ZNF407: variants seen among roughly 807,000 people sequenced by gnomAD.
ZNF407 encodes zinc finger protein 407.
ZNF407 carries 17 observed loss-of-function variants against 131.2 expected under a neutral mutation model. The observed-to-expected ratio is 0.13, with a 90% CI of 0.09 to 0.19. The LOEUF is 0.19. Among genes scored for constraint, ZNF407 ranks in the 10% least tolerant of loss-of-function variants. The pLI is 1.00. For missense variants in ZNF407, 2,681 were observed against 2,830.6 expected, an observed-to-expected ratio of 0.95 and a Z score of 1.20; for synonymous variants, 1,156 against 1,062.0, an observed-to-expected ratio of 1.09 and a Z score of -1.72.
chr18:74,602,666 G>A (rs1340557047), intron 1 of ZNF407, among the ~76,000 whole-genome samples: 1 of 152,146 alleles, frequency 6.6e-6, no homozygotes, highest in Admixed American at 6.5e-5. Flanking sequence ...TGTGCAAGGC[G>A]ACACAGCTAT....
chr18:74,895,566 T>G (rs1971443418), intron 7 of ZNF407, among the ~76,000 whole-genome samples: 1 of 152,208 alleles, frequency 6.6e-6, no homozygotes, highest in Non-Finnish European at 1.5e-5. Flanking sequence ...CAAAAAAAAT[T>G]GTATTTATAA....
chr18:74,753,983 T>G (rs1968868456), intron 3 of ZNF407, among the ~76,000 whole-genome samples: 1 of 152,222 alleles, frequency 6.6e-6, no homozygotes, highest in African/African-American at 2.4e-5. Context: ...GTCCTGACTT[T>G]TTTTGGTTGT....
intron 4 of ZNF407, among the ~76,000 whole-genome samples, chr18:74,844,682 A>G (rs1288796737): frequency 1.3e-5 from 2 of 152,158 alleles, no homozygotes; most frequent in Admixed American, 6.5e-5. Context: ...ATAAATTTGT[A>G]AAAATTACCC....
intron 8 of ZNF407, among the ~76,000 whole-genome samples, chr18:75,028,973 G>A (rs1434347694): frequency 2.6e-5 from 4 of 152,198 alleles, no homozygotes; most frequent in Middle Eastern, 3.4e-3. Context: ...AATCTGTATC[G>A]GGATATTCTG....
At position 75,064,722 on chromosome 18, in the gene ZNF407, C is replaced by A; in HGVS notation, c.*254C>A. On this transcript the variant is annotated 3_prime_UTR_variant, in exon 9 of 9. Transcript: ENST00000299687. ...CCGGGCGCAGGCCGCACAGGGAGCT[C>A]CGGTCCACTGGGGGCCCTTCGATCA... 2 of 402,950 alleles carry A rather than the reference C, an allele frequency of 5.0e-6. No individual in the cohort carries two copies. The highest frequency in any genetic ancestry group is 8.9e-6 in the Non-Finnish European group (2 of 225,918). 25.0% of individuals were successfully genotyped at this position (402,950 alleles called of 1,614,324 possible).
intron 3 of ZNF407, among the ~76,000 whole-genome samples, chr18:74,737,344 A>G (rs1968441589): frequency 6.6e-6 from 1 of 152,240 alleles, no homozygotes; most frequent in Non-Finnish European, 1.5e-5. Flanking sequence ...CTAATGGTCT[A>G]TCTGTGTAAT....
intron 1 of ZNF407, among the ~76,000 whole-genome samples, chr18:74,606,430 A>C (rs183323745): frequency 6.6e-6 from 1 of 152,170 alleles, no homozygotes; most frequent in African/African-American, 2.4e-5. Flanking sequence ...ATATATTTTG[A>C]GTAGATACGG....
chr18:75,000,709 T>C lies in ZNF407; in HGVS notation c.5429-62441T>C, dbSNP rs577113767. On this transcript the variant is annotated intron_variant, in intron 8 of 8. Transcript: ENST00000299687. ...TTTTTTTCTGCATCATTTTTATATA[T>C]TTTATTAATGCAAATTTTATTGTAT... 2.2e-3 allele frequency among the ~76,000 whole-genome samples: 339 copies of C among 152,352 alleles called. 2 individuals are homozygous for C. The highest frequency in any genetic ancestry group is 7.4e-3 in the African/African-American group (308 of 41,582).
intron 3 of ZNF407, among the ~76,000 whole-genome samples, chr18:74,735,280 T>C (rs1968386699): frequency 6.6e-6 from 1 of 152,200 alleles, no homozygotes; most frequent in South Asian, 2.1e-4. Flanking sequence ...AGACCTGTTA[T>C]GTTGTTTTTC....
At chr18:74,759,128 C>T (rs1424198860) in intron 3 of ZNF407, among the ~76,000 whole-genome samples, 3 of 151,996 alleles carry the variant, frequency 2.0e-5, no homozygotes, top group Non-Finnish European at 4.4e-5. Context: ...ATTTAGATGA[C>T]AGTAATTTTT....
intron 8 of ZNF407, among the ~76,000 whole-genome samples, chr18:74,945,026 A>T (rs573948797): frequency 3.3e-5 from 5 of 152,206 alleles, no homozygotes; most frequent in Admixed American, 3.3e-4. Flanking sequence ...ACTCGTATGC[A>T]TTTGCTTGCC....
chr18:74,608,063 T>C (rs1397778410), intron 1 of ZNF407, among the ~76,000 whole-genome samples: 2 of 152,230 alleles, frequency 1.3e-5, no homozygotes, highest in Non-Finnish European at 2.9e-5. Flanking sequence ...GAAATGACTT[T>C]TTAAAACTTT....
chr18:74,754,772 T>C (rs1335087107), intron 3 of ZNF407, among the ~76,000 whole-genome samples: 3 of 152,216 alleles, frequency 2.0e-5, no homozygotes, highest in African/African-American at 7.2e-5. Context: ...CTTCCAACTA[T>C]GTGGTCAATT....
intron 8 of ZNF407, among the ~76,000 whole-genome samples, chr18:75,034,615 T>A (rs1046614644): frequency 3.3e-5 from 5 of 151,890 alleles, no homozygotes; most frequent in South Asian, 4.2e-4. Context: ...TTTTTTTTTT[T>A]AAATCAGGCT....
chr18:75,056,917 ATT>A (rs1015856332), intron 8 of ZNF407, among the ~76,000 whole-genome samples: 17 of 152,188 alleles, frequency 1.1e-4, no homozygotes, highest in Admixed American at 9.8e-4. Context: ...ATCTGTTAAT[ATT>A]GTTTCATTTT....
chr18:74,785,555 G>A (rs541601732), intron 4 of ZNF407, among the ~76,000 whole-genome samples: 47 of 152,306 alleles, frequency 3.1e-4, no homozygotes, highest in African/African-American at 1.1e-3. Flanking sequence ...ACATGGCATT[G>A]TATGGGTCTT....
intron 8 of ZNF407, among the ~76,000 whole-genome samples, chr18:75,059,930 G>C (rs1188928586): frequency 6.6e-6 from 1 of 152,212 alleles, no homozygotes; most frequent in Non-Finnish European, 1.5e-5. Context: ...GATGGACGCG[G>C]GTTGTTTCTT....
intron 4 of ZNF407, among the ~76,000 whole-genome samples, chr18:74,854,499 T>A (rs1970832059): frequency 6.6e-6 from 1 of 152,178 alleles, no homozygotes; most frequent in Non-Finnish European, 1.5e-5. Flanking sequence ...AACATTAGCT[T>A]ATGAGGCCCT....
intron 3 of ZNF407, among the ~76,000 whole-genome samples, chr18:74,680,234 G>A (rs1568163754): frequency 6.6e-6 from 1 of 151,438 alleles, no homozygotes; most frequent in Non-Finnish European, 1.5e-5. Flanking sequence ...CTACAAAAAA[G>A]AAAAAACCAA....
Sources: gnomAD v4.1 joint callset for allele counts (sites outside exome capture counted in the v4.1 genomes callset) on GRCh38, gnomAD v4.1.1 for gene constraint, MANE v1.5 for transcripts, NCBI Gene and HGNC (gene_info 2026-07-23, HGNC 2026-07-21) for gene names.